The following BAIAP2 variants were observed in gnomAD, a reference collection of about 807,000 sequenced individuals.
BAIAP2 encodes the protein BAR/IMD domain containing adaptor protein 2.
BAIAP2 carries 18 observed loss-of-function variants against 63.0 expected under a neutral mutation model. That is an observed-to-expected ratio of 0.29 (90% CI 0.20 to 0.42). The LOEUF is 0.42. Among genes scored for constraint, BAIAP2 ranks in the 10% least tolerant of loss-of-function variants. The pLI is 1.00. For synonymous variants in BAIAP2, 386 were observed against 307.6 expected, an observed-to-expected ratio of 1.25 and a Z score of -2.67; for missense variants, 610 against 734.3, an observed-to-expected ratio of 0.83 and a Z score of 1.96.
chr17:81,058,716 C>T (rs547577255), intron 3 of BAIAP2, among the ~76,000 whole-genome samples: 289 of 152,358 alleles, frequency 1.9e-3, no homozygotes, highest in Non-Finnish European at 2.6e-3. Context: ...ATTCCTCTTC[C>T]CTCTGGTCAC....
intron 3 of BAIAP2, among the ~76,000 whole-genome samples, chr17:81,069,405 A>C (rs114722218): frequency 0.028 from 4,262 of 152,152 alleles, 222 homozygotes; most frequent in African/African-American, 0.098. Flanking sequence ...GAGGGGTGAC[A>C]GGGAGAGTGG....
At chr17:81,061,341 G>T (rs2050518735) in intron 3 of BAIAP2, among the ~76,000 whole-genome samples, 1 of 152,210 alleles carries the variant, frequency 6.6e-6, no homozygotes, top group Non-Finnish European at 1.5e-5. Context: ...TGAGTGTCCA[G>T]TGTGATGAGT....
chr17:81,106,681 C>A, intron 11 of BAIAP2, 64 bp from the exon 12 acceptor site: 1 of 1,597,016 alleles, frequency 6.3e-7, no homozygotes, highest in Admixed American at 1.7e-5. Flanking sequence ...CAGGGAGCCA[C>A]AGGGTTGTGG....
intron 1 of BAIAP2, among the ~76,000 whole-genome samples, chr17:81,050,301 C>T (rs1028462599): frequency 6.6e-6 from 1 of 152,242 alleles, no homozygotes; most frequent in Non-Finnish European, 1.5e-5. Flanking sequence ...TCCCGGCCGC[C>T]GCCCCTCTCT....
At chr17:81,041,534 GT>G (rs1189268224) in intron 1 of BAIAP2, among the ~76,000 whole-genome samples, 1 of 152,112 alleles carries the variant, frequency 6.6e-6, no homozygotes, top group Non-Finnish European at 1.5e-5. Context: ...ATTGGGTAGT[GT>G]TTTTTCGTTT....
chr17:81,104,256 C>G, intron 9 of BAIAP2, 148 bp downstream of exon 9: 1 of 934,206 alleles, frequency 1.1e-6, no homozygotes, highest in Non-Finnish European at 1.6e-6. Flanking sequence ...GTGGTACACA[C>G]ACGTGTGCCT....
chr17:81,052,467 G>A (rs973954904), intron 1 of BAIAP2, among the ~76,000 whole-genome samples: 6 of 152,250 alleles, frequency 3.9e-5, no homozygotes, highest in African/African-American at 1.4e-4. Context: ...TGGCCGGGTG[G>A]CGTTACCACC....
At chr17:81,037,639 C>G (rs1204032515) in intron 1 of BAIAP2, among the ~76,000 whole-genome samples, 1 of 152,256 alleles carries the variant, frequency 6.6e-6, no homozygotes, top group Non-Finnish European at 1.5e-5. Flanking sequence ...GGTGCTGCCT[C>G]TGGCATCCCT....
At chr17:81,102,322 T>G (rs1360634049) in intron 7 of BAIAP2, among the ~76,000 whole-genome samples, 1 of 152,106 alleles carries the variant, frequency 6.6e-6, no homozygotes, top group Non-Finnish European at 1.5e-5. Context: ...GCGAGGTCGG[T>G]GTCCCTCGGC....
intron 3 of BAIAP2, among the ~76,000 whole-genome samples, chr17:81,075,678 T>A (rs2053543290): frequency 6.6e-6 from 1 of 152,196 alleles, no homozygotes; most frequent in Non-Finnish European, 1.5e-5. Context: ...CCTTTAACCC[T>A]TTCAGTGCTA....
At chr17:81,084,711 G>C (rs1176214014) in intron 3 of BAIAP2, 121 bp from the exon 4 acceptor site, 2 of 891,768 alleles carry the variant, frequency 2.2e-6, no homozygotes, top group Non-Finnish European at 3.7e-6. Flanking sequence ...CTGACACCCC[G>C]GGGGCCCTGC....
intron 1 of BAIAP2, among the ~76,000 whole-genome samples, chr17:81,048,430 C>T (rs2048162516): frequency 6.6e-6 from 1 of 151,020 alleles, no homozygotes; most frequent in Non-Finnish European, 1.5e-5. Context: ...CAGGAGTGGG[C>T]AGGAGAGCAA....
rs766705468 is a variant in BAIAP2, at chr17:81,115,812, C to G, written c.1578C>G (p.Asn526Lys). ...TCCAGCTGAAGCCGACAGTGACCAA[C>G]GACAGGTCTGCCCCCCTCCTCAGCT... ...AHVQLKPTVT[N>K]DRSAPLLS Residue 526 changes from asparagine (N) to lysine (K), a missense_variant, in exon 14 of 14, where the codon AAC becomes AAG. Asn to Lys is a moderately conservative substitution (Grantham distance 94, BLOSUM62 0). Transcript: ENST00000428708. 1.2e-6 allele frequency: 2 copies of G among 1,613,554 alleles called. No homozygotes were observed. The highest frequency in any genetic ancestry group is 2.2e-5 in the South Asian group (2 of 91,092).
Position 81,046,888 on chromosome 17 carries a change from C to G in BAIAP2, c.55-6780C>G, listed in dbSNP as rs151145792. Among the ~76,000 whole-genome samples the G allele has an allele frequency of 9.2e-3, 1,396 of 152,348 alleles. 27 individuals are homozygous for G. Among genetic ancestry groups the G allele is most frequent in the African/African-American group, 0.031 (1,276 of 41,584 alleles). On this transcript the variant is annotated intron_variant, in intron 1 of 13. Transcript: ENST00000428708. The surrounding 1 kb of genome is among the most constrained non-coding windows in gnomAD (Gnocchi z 4.5). ...CGTGTCTGTGTGTGGGGTCCTCATG[C>G]TGTGGCTGTGGTGGCACAGCGGGCT...
chr17:81,053,472 C>T (rs2048995411), intron 1 of BAIAP2, 196 bp from the exon 2 acceptor site: 12 of 617,428 alleles, frequency 1.9e-5, no homozygotes, highest in Non-Finnish European at 3.1e-5. Flanking sequence ...AACCGAGGCT[C>T]AGGAAGGTCA....
At chr17:81,058,039 G>A in intron 3 of BAIAP2, 72 bp downstream of exon 3, 1 of 1,213,024 alleles carries the variant, frequency 8.2e-7, no homozygotes, top group South Asian at 1.4e-5. Context: ...CCTGTCCTGT[G>A]TCCAGCCGCT....
At chr17:81,053,320 G>A (rs148868186) in intron 1 of BAIAP2, 3,264 of 260,788 alleles carry the variant, frequency 0.013, 39 homozygotes, top group Middle Eastern at 0.017. Flanking sequence ...ACTCAGCCGC[G>A]CCAATGGGAA....
intron 10 of BAIAP2, 132 bp downstream of exon 10, chr17:81,104,847 C>A: frequency 1.0e-6 from 1 of 985,688 alleles, no homozygotes; most frequent in Non-Finnish European, 1.5e-6. Context: ...CCGTAGAAGA[C>A]CTGGGCAGTG....
chr17:81,099,594 C>T (rs543048637), intron 6 of BAIAP2, among the ~76,000 whole-genome samples: 4 of 152,246 alleles, frequency 2.6e-5, no homozygotes, highest in South Asian at 4.1e-4. Flanking sequence ...GGGAGGTGCA[C>T]GCGACCCCAC....
Sources: gnomAD v4.1 joint callset for allele counts (sites outside exome capture counted in the v4.1 genomes callset) on GRCh38, gnomAD v4.1.1 for gene constraint, Gnocchi (gnomAD v3.1) non-coding constraint, MANE v1.5 for transcripts, NCBI Gene and HGNC (gene_info 2026-07-23, HGNC 2026-07-21) for gene names.